GLS2: variants seen among roughly 807,000 people sequenced by gnomAD.
GLS2 encodes glutaminase 2.
A neutral mutation model predicts 79.0 loss-of-function variants in GLS2; 52 were observed. The observed-to-expected ratio is 0.66, with a 90% CI of 0.53 to 0.83. The LOEUF is 0.83. Ranked by LOEUF, GLS2 falls within the 40% of genes least tolerant of loss-of-function variation. GLS2 has a pLI of 0.00. For synonymous variants in GLS2, 238 were observed against 280.8 expected, an observed-to-expected ratio of 0.85 and a Z score of 1.52; for missense variants, 561 against 764.8, an observed-to-expected ratio of 0.73 and a Z score of 3.14.
chr12:56,480,892 A>G (rs764613908), intron 1 of GLS2, among the ~76,000 whole-genome samples: 5 of 152,226 alleles, frequency 3.3e-5, no homozygotes, highest in Non-Finnish European at 7.3e-5. Context: ...GTAGTAGACC[A>G]GAGTTTGCCC....
At chr12:56,477,808 G>T in intron 6 of GLS2, 90 bp from the exon 7 acceptor site, 1 of 1,543,502 alleles carries the variant, frequency 6.5e-7, no homozygotes, top group Non-Finnish European at 8.8e-7. Flanking sequence ...AAGAAAGACT[G>T]CTAGGGAGAA....
At chr12:56,477,422 G>T in intron 7 of GLS2, 1 of 418,888 alleles carries the variant, frequency 2.4e-6, no homozygotes, top group Non-Finnish European at 4.3e-6. Context: ...CTAGGCTCTA[G>T]ACTCATGGGT....
At position 56,472,453 on chromosome 12, in the gene GLS2, A is replaced by G. The variant is rs1869369108; in HGVS notation, c.1511+237T>C. 8.3e-6 allele frequency: 5 copies of G among 600,656 alleles called. No homozygotes were observed. In the Admixed American group the frequency reaches 1.5e-4, roughly 18 times the overall value. The allele number at this position is 600,656 out of a possible 1,614,324, so 37.2% of individuals were successfully genotyped here. ...AGTGCCCATTTGAGGCAGGGTACCT[A>G]CTTCCTAGGACACTGCTCTTAACAC... is the stretch of plus-strand genomic sequence containing the variant. On this transcript the variant is annotated intron_variant, in intron 15 of 17. Transcript: ENST00000311966.
intron 14 of GLS2, 39 bp downstream of exon 14, chr12:56,473,189 T>C (rs763735181): frequency 1.3e-6 from 2 of 1,594,468 alleles, no homozygotes. Flanking sequence ...GCACCTGGCC[T>C]TTGAAATATT....
At chr12:56,486,244 C>G (rs1032560753) in intron 1 of GLS2, among the ~76,000 whole-genome samples, 1 of 152,010 alleles carries the variant, frequency 6.6e-6, no homozygotes, top group Non-Finnish European at 1.5e-5. Context: ...GTTCCCTGGG[C>G]AGAAGAAACA....
At chr12:56,485,044 T>C (rs1870574519) in intron 1 of GLS2, among the ~76,000 whole-genome samples, 1 of 152,074 alleles carries the variant, frequency 6.6e-6, no homozygotes, top group Non-Finnish European at 1.5e-5. Context: ...CCTCAAACAA[T>C]GGAATCTTTT....
Position 56,472,200 on chromosome 12 carries a change from G to T in GLS2, c.1512-5C>A. 1.9e-6 allele frequency: 3 copies of T among 1,614,078 alleles called. No homozygotes were observed. In the South Asian group the frequency reaches 3.3e-5, roughly 18 times the overall value. On this transcript the variant is annotated splice_polypyrimidine_tract_variant and splice_region_variant and intron_variant, in intron 15 of 17. Coordinates refer to ENST00000311966, the MANE Select transcript of GLS2 (RefSeq NM_013267.4). ...TCCATGGCTGACAAGGCAAACCTGAGGGTAGTGGGAAAGCAGCTAGAGTTG... is the reference window on the plus strand; with the variant it reads ...TCCATGGCTGACAAGGCAAACCTGATGGTAGTGGGAAAGCAGCTAGAGTTG...
chr12:56,472,051 G>A, intron 16 of GLS2, 68 bp downstream of exon 16: 1 of 1,533,162 alleles, frequency 6.5e-7, no homozygotes, highest in Non-Finnish European at 9.0e-7. Context: ...ATATAATGAA[G>A]GTACTTTTGG....
chr12:56,486,014 C>A (rs1287549931), intron 1 of GLS2, among the ~76,000 whole-genome samples: 1,085 of 93,590 alleles, frequency 0.012, no homozygotes, highest in African/African-American at 0.012. Context: ...ACTCTGTCTC[C>A]AAAAAAAAAA....
Position 56,473,646 on chromosome 12 carries a change from AAAT to A in GLS2, c.1225-55_1225-53del, listed in dbSNP as rs1421644745. 10 of 1,567,200 alleles carry A rather than the reference AAAT, an allele frequency of 6.4e-6. No individual in the cohort carries two copies. In the African/African-American group the frequency reaches 8.1e-5, roughly 13 times the overall value. On this transcript the variant is annotated intron_variant, in intron 12 of 17. Transcript: ENST00000311966. ...TAAAGTGGGTGTGCCCCAAATCAGA[AAAT>A]AAACAAGTTAGGCTGTACTCTTAAC...
At chr12:56,482,229 T>A (rs1038254926) in intron 1 of GLS2, among the ~76,000 whole-genome samples, 1 of 149,844 alleles carries the variant, frequency 6.7e-6, no homozygotes, top group Non-Finnish European at 1.5e-5. Context: ...AGACTTTGTT[T>A]AAAAAAAAAA....
At chr12:56,472,366 T>C in intron 15 of GLS2, 171 bp from the exon 16 acceptor site, 1 of 628,794 alleles carries the variant, frequency 1.6e-6, no homozygotes, top group South Asian at 1.9e-5. Context: ...ACTGTTATAC[T>C]CATATTAGAG....
At chr12:56,478,486 G>T in intron 4 of GLS2, 1 of 535,340 alleles carries the variant, frequency 1.9e-6, no homozygotes, top group Non-Finnish European at 3.3e-6. Flanking sequence ...TAAAGCCAAT[G>T]GAAGTTAAAA....
intron 1 of GLS2, 73 bp from the exon 2 acceptor site, chr12:56,480,460 G>T: frequency 8.9e-7 from 1 of 1,125,370 alleles, no homozygotes; most frequent in Non-Finnish European, 1.4e-6. Flanking sequence ...CTGCAACATG[G>T]GCTTATAAGT....
At chr12:56,480,644 A>G (rs962577683) in intron 1 of GLS2, among the ~76,000 whole-genome samples, 8 of 152,142 alleles carry the variant, frequency 5.3e-5, no homozygotes, top group African/African-American at 1.7e-4. Flanking sequence ...GTTCCCCACA[A>G]GCACTGAAAA....
At chr12:56,477,428 T>G in intron 7 of GLS2, 1 of 420,472 alleles carries the variant, frequency 2.4e-6, no homozygotes, top group Non-Finnish European at 4.3e-6. Flanking sequence ...TCTAGACTCA[T>G]GGGTGGGGGC....
intron 4 of GLS2, chr12:56,478,732 C>A: frequency 3.6e-6 from 1 of 281,684 alleles, no homozygotes; most frequent in South Asian, 4.7e-5. Flanking sequence ...GTGGCTCATG[C>A]CTGTAATCCC....
Position 56,475,995 on chromosome 12 carries a change from G to T in GLS2, c.838-18C>A, listed in dbSNP as rs1869776897. On this transcript the variant is annotated intron_variant, in intron 7 of 17. Transcript: ENST00000311966. ...CAGTCCATCTGCAGAGAAAGAGAGA[G>T]ATGTCAGCATTCTAAGTGTAGGAGG... 1.9e-6 allele frequency: 3 copies of T among 1,611,634 alleles called. No individual in the cohort carries two copies. The highest frequency in any genetic ancestry group is 1.1e-5 in the South Asian group (1 of 91,040).
At chr12:56,479,699 C>T in intron 3 of GLS2, 81 bp downstream of exon 3, 5 of 1,459,334 alleles carry the variant, frequency 3.4e-6, no homozygotes, top group East Asian at 2.4e-5. Context: ...CTATACAATT[C>T]CCAAATTCCT....
Sources: gnomAD v4.1 joint callset for allele counts (sites outside exome capture counted in the v4.1 genomes callset) on GRCh38, gnomAD v4.1.1 for gene constraint, MANE v1.5 for transcripts, NCBI Gene and HGNC (gene_info 2026-07-23, HGNC 2026-07-21) for gene names.